The following SHANK2 variants were observed in gnomAD, a reference collection of about 807,000 sequenced individuals.
SHANK2 encodes SH3 and multiple ankyrin repeat domains 2.
Under a neutral mutation model 133.7 loss-of-function variants are expected in SHANK2, and 43 were observed. The ratio of observed to expected loss-of-function variants is 0.32; its 90% CI spans 0.25 to 0.41. SHANK2 has a LOEUF of 0.41. Among genes scored for constraint, SHANK2 ranks in the 10% least tolerant of loss-of-function variants. SHANK2 has a pLI of 1.00. For missense variants in SHANK2, 1,994 were observed against 2,235.8 expected, an observed-to-expected ratio of 0.89 and a Z score of 2.18; for synonymous variants, 1,017 against 952.8, an observed-to-expected ratio of 1.07 and a Z score of -1.24.
intron 2 of SHANK2, among the ~76,000 whole-genome samples, chr11:71,182,205 C>T (rs985413036): frequency 3.3e-5 from 5 of 152,058 alleles, no homozygotes; most frequent in Admixed American, 2.0e-4. Context: ...GTAAGTAGCA[C>T]GGCTGTCCAT....
At chr11:70,800,765 C>G (rs1948026396) in intron 13 of SHANK2, among the ~76,000 whole-genome samples, 1 of 152,212 alleles carries the variant, frequency 6.6e-6, no homozygotes, top group Non-Finnish European at 1.5e-5. Flanking sequence ...AGTTTCCCAG[C>G]AGAACCCTGG....
chr11:71,068,249 G>C (rs1273109662), intron 9 of SHANK2, among the ~76,000 whole-genome samples: 1 of 152,218 alleles, frequency 6.6e-6, no homozygotes, highest in Non-Finnish European at 1.5e-5. Context: ...GGCTCACTGA[G>C]TGACAGACAC....
At chr11:70,563,753 G>A (rs2059936367) in intron 17 of SHANK2, among the ~76,000 whole-genome samples, 2 of 152,116 alleles carry the variant, frequency 1.3e-5, no homozygotes, top group Non-Finnish European at 2.9e-5. Context: ...GGCCAGGCTG[G>A]TCTTGAACTC....
At chr11:71,061,976 T>C (rs1431411080) in intron 9 of SHANK2, among the ~76,000 whole-genome samples, 92 of 146,548 alleles carry the variant, frequency 6.3e-4, no homozygotes, top group African/African-American at 2.1e-3. Flanking sequence ...TCTTTCTTTT[T>C]TTTTTTTTTT....
At chr11:70,498,084 T>G (rs185764410) in intron 21 of SHANK2, among the ~76,000 whole-genome samples, 12 of 152,368 alleles carry the variant, frequency 7.9e-5, no homozygotes, top group African/African-American at 2.9e-4. Context: ...ACCTGATTCA[T>G]GGTCTGCTTC....
intron 15 of SHANK2, among the ~76,000 whole-genome samples, chr11:70,678,897 C>T (rs1026821458): frequency 2.0e-5 from 3 of 152,170 alleles, no homozygotes; most frequent in Non-Finnish European, 4.4e-5. Context: ...GACCCCAAGT[C>T]CAGGCTGCAC....
chr11:70,937,969 G>A (rs1206347532), intron 10 of SHANK2, among the ~76,000 whole-genome samples: 1 of 152,186 alleles, frequency 6.6e-6, no homozygotes, highest in East Asian at 1.9e-4. Context: ...GTGTGCATGT[G>A]TGAGCGTGAT....
intron 14 of SHANK2, among the ~76,000 whole-genome samples, chr11:70,780,153 T>C (rs1947450642): frequency 1.3e-5 from 2 of 152,250 alleles, no homozygotes; most frequent in South Asian, 4.1e-4. Flanking sequence ...CAACTATGCC[T>C]GATGCCAGAC....
chr11:70,650,358 C>T (rs2061325585), intron 17 of SHANK2, among the ~76,000 whole-genome samples: 1 of 152,158 alleles, frequency 6.6e-6, no homozygotes, highest in African/African-American at 2.4e-5. Context: ...ATGAAAGGTG[C>T]AGGGATGGAG....
intron 17 of SHANK2, among the ~76,000 whole-genome samples, chr11:70,617,237 G>A (rs1554996286): frequency 1.3e-5 from 2 of 151,858 alleles, no homozygotes; most frequent in Non-Finnish European, 2.9e-5. Flanking sequence ...GTGTGTGCAT[G>A]TGTGTCACTG....
At chr11:70,878,748 C>T (rs1403066303) in intron 11 of SHANK2, among the ~76,000 whole-genome samples, 1 of 152,186 alleles carries the variant, frequency 6.6e-6, no homozygotes, top group South Asian at 2.1e-4. Context: ...GGGACCCTGA[C>T]AAGCTCTCTG....
At chr11:70,573,945 G>A (rs112366798) in intron 17 of SHANK2, among the ~76,000 whole-genome samples, 1,665 of 152,300 alleles carry the variant, frequency 0.011, 32 homozygotes, top group African/African-American at 0.038. Context: ...CCCCAGGGGC[G>A]GATGGCGCTA....
intron 17 of SHANK2, among the ~76,000 whole-genome samples, chr11:70,652,490 T>C (rs534429035): frequency 6.6e-6 from 1 of 152,156 alleles, no homozygotes; most frequent in East Asian, 1.9e-4. Context: ...TTAATGATGA[T>C]GAAAGACAAG....
chr11:70,624,413 C>T (rs1554999122), intron 17 of SHANK2, among the ~76,000 whole-genome samples: 2 of 152,016 alleles, frequency 1.3e-5, no homozygotes, highest in Non-Finnish European at 2.9e-5. Flanking sequence ...ACACACTGCA[C>T]CCCTCACAGA....
chr11:70,870,702 A>C (rs1374696647), intron 11 of SHANK2, among the ~76,000 whole-genome samples: 1 of 152,136 alleles, frequency 6.6e-6, no homozygotes, highest in East Asian at 1.9e-4. Context: ...CAGAAGCATC[A>C]CCCAGAGCTC....
chr11:70,540,711 T>C (rs909126600), intron 17 of SHANK2, among the ~76,000 whole-genome samples: 4 of 151,816 alleles, frequency 2.6e-5, no homozygotes, highest in Non-Finnish European at 4.4e-5. Flanking sequence ...CCATCTCTAC[T>C]AAAAATACAA....
rs1953420311 is a variant in SHANK2, at chr11:71,175,554, GAGAGAGAGA to G, written c.-12-28225_-12-28217del. Among the ~76,000 whole-genome samples the G allele has an allele frequency of 1.9e-5, 1 of 53,282 alleles. No homozygotes were observed. Among genetic ancestry groups the G allele is most frequent in the African/African-American group, 1.1e-4 (1 of 9,474 alleles). The allele number at this position is 53,282 out of a possible 152,430, so 35.0% of individuals were successfully genotyped here. A position where few individuals can be genotyped will look rare whatever the true frequency, so the allele number is the denominator to read the frequency against. On this transcript the variant is annotated intron_variant, in intron 2 of 25. Transcript: ENST00000601538. The surrounding 1 kb of genome is among the most constrained non-coding windows in gnomAD (Gnocchi z 4.2). ...ACAGACAGAGGGAGAGGGAGAGGGA[GAGAGAGAGA>G]GAGAGAGAGAGAGAGAGAGAGAGAG... is the stretch of plus-strand genomic sequence containing the variant.
chr11:70,511,204 C>A (rs931959971), intron 17 of SHANK2, among the ~76,000 whole-genome samples: 1 of 152,160 alleles, frequency 6.6e-6, no homozygotes, highest in South Asian at 2.1e-4. Context: ...CTCAACTCAA[C>A]GTGAAATTAA....
At chr11:70,631,404 A>ACACACACCCC (rs1555002170) in intron 17 of SHANK2, among the ~76,000 whole-genome samples, 3 of 149,280 alleles carry the variant, frequency 2.0e-5, no homozygotes, top group African/African-American at 7.4e-5. Context: ...ACACACACAC[A>ACACACACCCC]CACACCCACA....
Sources: allele counts gnomAD v4.1 joint callset (sites outside exome capture counted in the v4.1 genomes callset), GRCh38; gene constraint gnomAD v4.1.1; non-coding constraint Gnocchi (gnomAD v3.1); transcripts MANE v1.5; gene names NCBI Gene and HGNC (gene_info 2026-07-23, HGNC 2026-07-21).